LCT: variants seen among roughly 807,000 people sequenced by gnomAD.
LCT encodes the protein lactase/phlorizin hydrolase.
LCT carries 90 observed loss-of-function variants against 173.0 expected under a neutral mutation model. The observed-to-expected ratio is 0.52, with a 90% CI of 0.44 to 0.62. The LOEUF is 0.62. Among genes scored for constraint, LCT ranks in the 20% least tolerant of loss-of-function variants. The probability of loss-of-function intolerance (pLI) is 0.00; values close to 1 mark genes in which losing one functional copy is unlikely to be tolerated. For synonymous variants in LCT, 853 were observed against 957.6 expected (o/e 0.89, Z 2.02); for missense variants, 1,864 against 2,431.4 (o/e 0.77, Z 4.91).
At position 135,837,029 on chromosome 2, in the gene LCT, C is replaced by T. The variant is rs753100473; in HGVS notation, c.141G>A (p.Leu47=). ...CTACAAAGTTAGAACTCTGGTCTCC[C>T]AGGAGACCACTCAGGTTGTGCAGCA... ...NDLLHNLSGL[L]GDQSSNFVAG... Residue 47 remains leucine (L), a synonymous_variant, in exon 1 of 17, where the codon CTG becomes CTA. Transcript: ENST00000264162. 2 of 1,613,932 alleles carry T rather than the reference C, an allele frequency of 1.2e-6. No homozygotes were observed. The highest frequency in any genetic ancestry group is 1.1e-5 in the South Asian group (1 of 91,066).
At chr2:135,804,732 G>A in intron 10 of LCT, 35 bp downstream of exon 10, 2 of 1,603,932 alleles carry the variant, frequency 1.2e-6, no homozygotes, top group Non-Finnish European at 1.7e-6. Context: ...TCCTGCATGT[G>A]GACTTTCCCA....
At chr2:135,819,912 A>C (rs2077813814) in intron 5 of LCT, among the ~76,000 whole-genome samples, 2 of 152,158 alleles carry the variant, frequency 1.3e-5, no homozygotes, top group Admixed American at 6.5e-5. Context: ...GATGAAACAG[A>C]ACTTGCTGTA....
chr2:135,806,883 C>T (rs1281675783), intron 9 of LCT, among the ~76,000 whole-genome samples: 1 of 152,218 alleles, frequency 6.6e-6, no homozygotes, highest in Non-Finnish European at 1.5e-5. Flanking sequence ...CCAGGCTCCC[C>T]CTGCTCCATC....
chr2:135,793,352 A>G (rs2077548514), intron 14 of LCT, among the ~76,000 whole-genome samples: 1 of 152,196 alleles, frequency 6.6e-6, no homozygotes, highest in Non-Finnish European at 1.5e-5. Context: ...TGCTGGGTGG[A>G]TAGACCCAGA....
At chr2:135,794,532 C>A in intron 14 of LCT, 109 bp downstream of exon 14, 3 of 1,167,042 alleles carry the variant, frequency 2.6e-6, no homozygotes, top group Non-Finnish European at 3.9e-6. Flanking sequence ...CCGGCACATT[C>A]GGCGTTGGAG....
At position 135,809,877 on chromosome 2, in the gene LCT, CGCT is replaced by C; in HGVS notation, c.2467_2469del (p.Ser823del). Reference sequence around the variant, plus strand: ...CTGGGAGTCCTTGACTTGCTGCTGTCGCTGAAGTTGACGTGGTGCAGGCCAAAC... The same window carrying C: ...CTGGGAGTCCTTGACTTGCTGCTGTCGAAGTTGACGTGGTGCAGGCCAAAC... On this transcript the variant is annotated inframe_deletion, in exon 8 of 17. Transcript: ENST00000264162. This position sits in a 1 kb window ranked among gnomAD's most constrained non-coding sequence, Gnocchi z 5.5. 1 of 1,614,130 alleles carries C rather than the reference CGCT, an allele frequency of 6.2e-7. No homozygotes were observed. Among genetic ancestry groups the C allele is most frequent in the African/African-American group, 1.3e-5 (1 of 75,020 alleles).
rs553526436 is a variant in LCT, at chr2:135,819,751, G to A, written c.987-1690C>T. ...TGTGGATCGCAGCTGGGGATGTGTC[G>A]CGTCCCCTCGGTGCTCAGCCTCTGC... On this transcript the variant is annotated intron_variant, in intron 5 of 16. Transcript: ENST00000264162. 2.6e-4 allele frequency among the ~76,000 whole-genome samples: 40 copies of A among 152,298 alleles called. No individual in the cohort carries two copies. The East Asian group carries it at 4.2e-3, about 16-fold the overall frequency.
chr2:135,807,531 T>A (rs1287888955), intron 8 of LCT, 135 bp from the exon 9 acceptor site: 1 of 802,486 alleles, frequency 1.2e-6, no homozygotes, highest in Non-Finnish European at 2.1e-6. Context: ...GACCAACAGA[T>A]CATCTGTTGA....
chr2:135,823,795 C>T (rs1042496812), intron 4 of LCT, 106 bp downstream of exon 4: 16 of 780,258 alleles, frequency 2.1e-5, no homozygotes, highest in African/African-American at 1.9e-4. Flanking sequence ...ACTAGTCTTC[C>T]TCCCATGCTC....
chr2:135,829,642 T>G lies in LCT; in HGVS notation c.755A>C (p.Tyr252Ser). Reference sequence around the variant, plus strand: ...CAGACTTGCCTCATTTTGGCATTCATAAGACAAATCAAGAGAGAGGAAATC... The same window carrying G: ...CAGACTTGCCTCATTTTGGCATTCAGAAGACAAATCAAGAGAGAGGAAATC... The part of the protein sequence containing the change: ...TVDFLSLDLS[Y>S]ECQNEASLRQ... Residue 252 changes from tyrosine to serine, a missense_variant, in exon 3 of 17, where the codon TAT becomes TCT. Physicochemically the swap from Tyr to Ser is moderately radical, Grantham distance 144. Transcript: ENST00000264162. The G allele has an allele frequency of 6.2e-7, 1 of 1,613,756 alleles. No individual in the cohort carries two copies. Among genetic ancestry groups the G allele is most frequent in the Non-Finnish European group, 8.5e-7 (1 of 1,179,648 alleles).
chr2:135,814,223 C>T (rs2077760020), intron 6 of LCT, among the ~76,000 whole-genome samples: 1 of 152,226 alleles, frequency 6.6e-6, no homozygotes, highest in Non-Finnish European at 1.5e-5. Context: ...AAACGCCTGG[C>T]TGCTTCTCAC....
chr2:135,810,130 G>A (rs1001402068), intron 7 of LCT, 137 bp from the exon 8 acceptor site: 3 of 662,532 alleles, frequency 4.5e-6, no homozygotes, highest in Non-Finnish European at 8.1e-6. Context: ...CTGACTACAG[G>A]AGTGAGCTAG....
At chr2:135,810,990 G>A (rs1238995012) in intron 7 of LCT, among the ~76,000 whole-genome samples, 1 of 151,136 alleles carries the variant, frequency 6.6e-6, no homozygotes, top group Non-Finnish European at 1.5e-5. Flanking sequence ...TCGCGCCACT[G>A]CACTCCAGCC....
Position 135,808,443 on chromosome 2 carries a change from C to A in LCT, c.3904G>T (p.Ala1302Ser), listed in dbSNP as rs896644464. The part of the protein sequence containing the change: ...HKTYINEALK[A>S]YRLDGIDLRG... ...TAAGGGGAACTGAACCCTCACACAC[C>A]TTTCAAAGCCTCATTGATGTAGGTT... Residue 1302 changes from alanine to serine, a missense_variant and splice_region_variant, in exon 8 of 17, where the codon GCC becomes TCC. Coordinates refer to ENST00000264162, the MANE Select transcript of LCT (RefSeq NM_002299.4). 4 of 1,611,416 alleles carry A rather than the reference C, an allele frequency of 2.5e-6. No homozygotes were observed. Among genetic ancestry groups the A allele is most frequent in the East Asian group, 2.2e-5 (1 of 44,880 alleles).
chr2:135,834,107 T>G (rs1046241455), intron 1 of LCT, among the ~76,000 whole-genome samples: 1 of 151,994 alleles, frequency 6.6e-6, no homozygotes, highest in Non-Finnish European at 1.5e-5. Flanking sequence ...GTCTCGTTTA[T>G]CCATTCATCC....
Position 135,837,142 on chromosome 2 carries a change from T to TA in LCT, c.27dup (p.Ile10TyrfsTer16), listed in dbSNP as rs1408682771. 1.2e-6 allele frequency: 2 copies of TA among 1,613,762 alleles called. No individual in the cohort carries two copies. Among genetic ancestry groups the TA allele is most frequent in the Non-Finnish European group, 1.7e-6 (2 of 1,179,988 alleles). ...CAGCATGAAAAACTTAGCAGGGCAA[T>TA]AAAGACTACATGCCAAGACAGCTCC... is the stretch of plus-strand genomic sequence containing the variant. On this transcript the variant is annotated frameshift_variant, in exon 1 of 17. Coordinates refer to ENST00000264162, the MANE Select transcript of LCT (RefSeq NM_002299.4). LOFTEE classifies it high-confidence loss of function.
chr2:135,799,336 A>G (rs970511509), intron 12 of LCT, among the ~76,000 whole-genome samples: 3 of 152,058 alleles, frequency 2.0e-5, no homozygotes, highest in Admixed American at 2.0e-4. Context: ...CTGATGCAAA[A>G]TGTAGGAGAG....
chr2:135,807,090 G>A (rs1038284407), intron 9 of LCT, 38 bp downstream of exon 9: 12 of 1,611,322 alleles, frequency 7.4e-6, no homozygotes, highest in Non-Finnish European at 9.3e-6. Context: ...CAGGGCAGGT[G>A]TGCAGTCACT....
chr2:135,812,748 C>A lies in LCT; in HGVS notation c.1916G>T (p.Gly639Val). The change falls in exon 7 of 17, where the codon GGA becomes GTA. Residue 639 changes from glycine to valine, a missense_variant. Gly to Val is a moderately radical substitution (Grantham distance 109, BLOSUM62 -3). Transcript: ENST00000264162. ...GGTCCTCAGGGTGGCTGGGTAGTCT[C>A]CATCCACAAAGACGGGGTGTGCAAA... is the stretch of plus-strand genomic sequence containing the variant. ...GWFAHPVFVD[G>V]DYPATLRTQI... is the part of the protein sequence containing the mutation. 6 of 1,614,170 alleles carry A rather than the reference C, an allele frequency of 3.7e-6. No individual in the cohort carries two copies. Among genetic ancestry groups the A allele is most frequent in the Non-Finnish European group, 5.1e-6 (6 of 1,180,032 alleles).
Sources: gnomAD v4.1 joint callset for allele counts (sites outside exome capture counted in the v4.1 genomes callset) on GRCh38, gnomAD v4.1.1 for gene constraint, Gnocchi (gnomAD v3.1) non-coding constraint, MANE v1.5 for transcripts, NCBI Gene and HGNC (gene_info 2026-07-23, HGNC 2026-07-21) for gene names.